SEMA3C: variants seen among roughly 807,000 people sequenced by gnomAD.
The protein encoded by SEMA3C is semaphorin 3C, also known as semaphorin-3C.
SEMA3C carries 47 observed loss-of-function variants against 89.4 expected under a neutral mutation model. The observed-to-expected ratio is 0.53, with a 90% CI of 0.42 to 0.67. The LOEUF (loss-of-function observed/expected upper bound fraction) is 0.67, where lower values mean the gene tolerates loss of function less well. Among genes scored for constraint, SEMA3C ranks in the 30% least tolerant of loss-of-function variants. The pLI, the probability that SEMA3C is intolerant of heterozygous loss-of-function variation, is 0.00. For synonymous variants in SEMA3C, 310 were observed against 320.2 expected (o/e 0.97, Z 0.34); for missense variants, 839 against 929.1 (o/e 0.90, Z 1.26).
intron 2 of SEMA3C, among the ~76,000 whole-genome samples, chr7:80,913,237 C>A (rs892379562): frequency 2.0e-5 from 3 of 152,060 alleles, no homozygotes; most frequent in African/African-American, 7.2e-5. Flanking sequence ...CCTGTCTCTA[C>A]TAAAAGTACA....
chr7:80,815,171 G>C (rs547113487), intron 5 of SEMA3C, among the ~76,000 whole-genome samples: 1 of 152,212 alleles, frequency 6.6e-6, no homozygotes, highest in African/African-American at 2.4e-5. Context: ...ATAGAGAGTA[G>C]GTGGTGAAAA....
chr7:80,758,266 G>A, intron 15 of SEMA3C, 65 bp downstream of exon 15: 3 of 1,515,290 alleles, frequency 2.0e-6, no homozygotes, highest in Non-Finnish European at 2.7e-6. Flanking sequence ...TTCTAAAGAT[G>A]TGAAACACTT....
rs1262729947 is a variant in SEMA3C, at chr7:80,805,649, T to G, written c.648A>C (p.Lys216Asn). ...CAAATGCTTTCTTACCACTTAGCCA[T>G]TTGGAATTATGTTGATCAGTTCTGA... ...NAVRTDQHNS[K>N]WLSEPMFVDA... Residue 216 changes from lysine (K) to asparagine (N), a missense_variant, in exon 7 of 18, where the codon AAA becomes AAC. By Grantham distance (94) the Lys-to-Asn change is moderately conservative. Transcript: ENST00000265361. 2 of 1,599,552 alleles carry G rather than the reference T, an allele frequency of 1.3e-6. No individual in the cohort carries two copies.
intron 2 of SEMA3C, among the ~76,000 whole-genome samples, chr7:80,848,225 T>C (rs1030781119): frequency 7.2e-5 from 11 of 152,174 alleles, no homozygotes; most frequent in Admixed American, 2.6e-4. Context: ...AAGAGAAAAC[T>C]ATTCCAAGTC....
chr7:80,781,899 G>A (rs538549699), intron 12 of SEMA3C, among the ~76,000 whole-genome samples: 1 of 152,208 alleles, frequency 6.6e-6, no homozygotes, highest in South Asian at 2.1e-4. Context: ...GGTGCAAAGT[G>A]AATCACTGCC....
intron 2 of SEMA3C, among the ~76,000 whole-genome samples, chr7:80,853,979 T>C (rs1790576925): frequency 6.6e-6 from 1 of 152,098 alleles, no homozygotes; most frequent in Non-Finnish European, 1.5e-5. Flanking sequence ...AGGAGATTCA[T>C]TTTGGACATC....
At chr7:80,901,052 T>C (rs1280271237) in intron 2 of SEMA3C, among the ~76,000 whole-genome samples, 1 of 152,184 alleles carries the variant, frequency 6.6e-6, no homozygotes, top group Non-Finnish European at 1.5e-5. Context: ...ATGGAGGAAA[T>C]GAGTCACAGT....
chr7:80,888,989 G>A (rs754758426), intron 2 of SEMA3C, among the ~76,000 whole-genome samples: 5 of 151,762 alleles, frequency 3.3e-5, no homozygotes, highest in African/African-American at 7.3e-5. Context: ...TCAGCCTCCC[G>A]AGTAGCTGGG....
chr7:80,776,954 T>G (rs1329158245), intron 12 of SEMA3C, among the ~76,000 whole-genome samples: 2 of 152,140 alleles, frequency 1.3e-5, no homozygotes, highest in Non-Finnish European at 2.9e-5. Flanking sequence ...AGCTATATAC[T>G]AATATATATG....
chr7:80,750,751 G>T (rs978554150), intron 16 of SEMA3C, among the ~76,000 whole-genome samples: 1 of 151,900 alleles, frequency 6.6e-6, no homozygotes, highest in South Asian at 2.1e-4. Context: ...AAGAGGTAAT[G>T]GTTAGGTGGT....
chr7:80,885,589 C>T (rs1277836894), intron 2 of SEMA3C, among the ~76,000 whole-genome samples: 2 of 152,124 alleles, frequency 1.3e-5, no homozygotes, highest in African/African-American at 2.4e-5. Flanking sequence ...TGCACTTCAG[C>T]GTGAGCAACA....
At chr7:80,828,522 AT>A (rs576928849) in intron 3 of SEMA3C, 62 bp downstream of exon 3, 30 of 1,339,148 alleles carry the variant, frequency 2.2e-5, no homozygotes, top group East Asian at 4.9e-5. Context: ...TTACTTATTT[AT>A]TTTTTTTAAA....
rs1260232298 is a variant in SEMA3C, at chr7:80,743,729, C to A, written c.*1165G>T. 1 of 151,790 alleles carries A rather than the reference C, an allele frequency of 6.6e-6. No homozygotes were observed. Among genetic ancestry groups the A allele is most frequent in the East Asian group, 1.9e-4 (1 of 5,188 alleles). 9.4% of individuals were successfully genotyped at this position (151,790 alleles called of 1,614,324 possible). ...AATTTACTACTTTTACACTTAGAGA[C>A]CAGTGAACGTATGTACCATTACCTT... On this transcript the variant is annotated 3_prime_UTR_variant, in exon 18 of 18. Transcript: ENST00000265361.
rs1488876645 is a variant in SEMA3C at position 80,742,662 on chromosome 7, T to C, written c.*2232A>G. 4 of 151,948 alleles carry C rather than the reference T, an allele frequency of 2.6e-5. No homozygotes were observed. Among genetic ancestry groups the C allele is most frequent in the African/African-American group, 9.7e-5 (4 of 41,414 alleles). The allele number at this position is 151,948 out of a possible 1,614,324, so 9.4% of individuals were successfully genotyped here. Reference sequence around the variant, plus strand: ...GATTGAACATTCACCATTATGACAGTTTCATCATGCTAAAATCTATTCACA... The same window carrying C: ...GATTGAACATTCACCATTATGACAGCTTCATCATGCTAAAATCTATTCACA... On this transcript the variant is annotated 3_prime_UTR_variant, in exon 18 of 18. Coordinates refer to ENST00000265361, the MANE Select transcript of SEMA3C (RefSeq NM_006379.5).
At chr7:80,865,089 C>G (rs867092873) in intron 2 of SEMA3C, among the ~76,000 whole-genome samples, 1 of 152,142 alleles carries the variant, frequency 6.6e-6, no homozygotes, top group Non-Finnish European at 1.5e-5. Context: ...TACATACACT[C>G]TGGTGCAGTA....
intron 16 of SEMA3C, among the ~76,000 whole-genome samples, chr7:80,750,465 T>TACACAC (rs1222077930): frequency 1.1e-4 from 7 of 63,892 alleles, no homozygotes; most frequent in Admixed American, 7.2e-4. Flanking sequence ...TATATATATA[T>TACACAC]ATATATATAC....
At chr7:80,821,783 G>A (rs1396409501) in intron 4 of SEMA3C, among the ~76,000 whole-genome samples, 1 of 152,092 alleles carries the variant, frequency 6.6e-6, no homozygotes, top group African/African-American at 2.4e-5. Context: ...TTAGTGATGA[G>A]GAAATTTGAG....
At chr7:80,879,723 A>AG (rs1791289335) in intron 2 of SEMA3C, among the ~76,000 whole-genome samples, 1 of 152,212 alleles carries the variant, frequency 6.6e-6, no homozygotes, top group Non-Finnish European at 1.5e-5. Flanking sequence ...GTGATATATT[A>AG]GCTTTTGTTG....
chr7:80,880,617 A>G (rs1791311528), intron 2 of SEMA3C, among the ~76,000 whole-genome samples: 1 of 152,144 alleles, frequency 6.6e-6, no homozygotes, highest in Non-Finnish European at 1.5e-5. Flanking sequence ...TGTATACGCC[A>G]TAATCTTACC....
Sources: allele counts gnomAD v4.1 joint callset (sites outside exome capture counted in the v4.1 genomes callset), GRCh38; gene constraint gnomAD v4.1.1; transcripts MANE v1.5; gene names NCBI Gene and HGNC (gene_info 2026-07-23, HGNC 2026-07-21).